Variants in NELL1 observed in about 807,000 individuals in gnomAD.
NELL1 encodes the protein protein kinase C-binding protein NELL1.
In NELL1, 76 loss-of-function variants were observed where a neutral mutation model predicts 107.4. The ratio of observed to expected loss-of-function variants is 0.71; its 90% confidence interval spans 0.59 to 0.86. The LOEUF is 0.86. Ranked by LOEUF, NELL1 falls within the 40% of genes least tolerant of loss-of-function variation. The probability of loss-of-function intolerance (pLI) is 0.00; values close to 1 mark genes in which losing one functional copy is unlikely to be tolerated. For missense variants in NELL1, 1,024 were observed against 1,005.5 expected, an observed-to-expected ratio of 1.02 and a Z score of -0.25; for synonymous variants, 353 against 341.2, an observed-to-expected ratio of 1.03 and a Z score of -0.38.
chr11:21,544,785 C>G (rs796562038), intron 16 of NELL1, among the ~76,000 whole-genome samples: 5 of 151,886 alleles, frequency 3.3e-5, no homozygotes, highest in African/African-American at 1.2e-4. Context: ...ATAAAACACA[C>G]TAATTGAAAA....
intron 15 of NELL1, among the ~76,000 whole-genome samples, chr11:21,397,167 C>G (rs559471447): frequency 6.6e-6 from 1 of 151,470 alleles, no homozygotes; most frequent in African/African-American, 2.4e-5. Context: ...ATAAGACACA[C>G]GAGGAATCAT....
At chr11:21,279,433 A>G (rs1848942876) in intron 14 of NELL1, among the ~76,000 whole-genome samples, 1 of 152,172 alleles carries the variant, frequency 6.6e-6, no homozygotes, top group Admixed American at 6.5e-5. Flanking sequence ...GCAAATGAAC[A>G]ACCTGATTAA....
chr11:21,012,164 G>A (rs755693340), intron 12 of NELL1, among the ~76,000 whole-genome samples: 30 of 152,112 alleles, frequency 2.0e-4, no homozygotes, highest in African/African-American at 6.8e-4. Context: ...AGTTGCTGCC[G>A]CACTACAGTA....
At chr11:21,244,391 G>A (rs1055118164) in intron 14 of NELL1, among the ~76,000 whole-genome samples, 4 of 152,044 alleles carry the variant, frequency 2.6e-5, no homozygotes, top group Non-Finnish European at 4.4e-5. Flanking sequence ...TTGAGGATAG[G>A]GAAACATGGC....
chr11:21,012,517 C>T (rs888480014), intron 12 of NELL1, among the ~76,000 whole-genome samples: 1 of 152,020 alleles, frequency 6.6e-6, no homozygotes, highest in African/African-American at 2.4e-5. Context: ...AACCTCTTGC[C>T]CACTGTCCAG....
At chr11:20,738,750 C>T (rs1855820535) in intron 2 of NELL1, among the ~76,000 whole-genome samples, 1 of 152,028 alleles carries the variant, frequency 6.6e-6, no homozygotes, top group African/African-American at 2.4e-5. Flanking sequence ...TGAGGTAATG[C>T]CTGGGGAAGA....
rs369515993 is a variant in NELL1, at chr11:21,105,268, A to G, written c.1301-8321A>G. 5.9e-5 allele frequency among the ~76,000 whole-genome samples: 9 copies of G among 151,758 alleles called. No homozygotes were observed. In the East Asian group the frequency reaches 1.7e-3, roughly 29 times the overall value. On this transcript the variant is annotated intron_variant, in intron 12 of 19. Coordinates refer to ENST00000357134, the MANE Select transcript of NELL1 (RefSeq NM_006157.5). ...AAAGAGAAATAGCTCTCTCTCCTGC[A>G]GAGAGAGAGAGGGCCACCAAAGTGG... is the stretch of plus-strand genomic sequence containing the variant.
chr11:21,212,870 G>C (rs576687383), intron 13 of NELL1, among the ~76,000 whole-genome samples: 1 of 152,138 alleles, frequency 6.6e-6, no homozygotes, highest in Admixed American at 6.5e-5. Flanking sequence ...AAAACAATAA[G>C]GCAGCAAAAA....
At chr11:20,738,042 G>A (rs1236179163) in intron 2 of NELL1, among the ~76,000 whole-genome samples, 1 of 102,426 alleles carries the variant, frequency 9.8e-6, no homozygotes, top group Non-Finnish European at 2.1e-5. Flanking sequence ...TTAAGTAAAC[G>A]AAGTAGTGAA....
At chr11:21,389,513 G>A (rs1016567852) in intron 15 of NELL1, among the ~76,000 whole-genome samples, 1 of 151,674 alleles carries the variant, frequency 6.6e-6, no homozygotes, top group African/African-American at 2.4e-5. Flanking sequence ...TAAGAGTACA[G>A]AAAGAGGGAA....
At chr11:21,165,907 A>G (rs1856470457) in intron 13 of NELL1, among the ~76,000 whole-genome samples, 1 of 151,092 alleles carries the variant, frequency 6.6e-6, no homozygotes, top group Admixed American at 6.6e-5. Context: ...GGTGCCCACT[A>G]CAACACCCGG....
chr11:21,431,140 C>T (rs1406294074), intron 15 of NELL1, among the ~76,000 whole-genome samples: 3 of 152,042 alleles, frequency 2.0e-5, no homozygotes, highest in Non-Finnish European at 4.4e-5. Flanking sequence ...TTTCTGCTGA[C>T]ATCTACTTGG....
intron 7 of NELL1, among the ~76,000 whole-genome samples, chr11:20,923,268 A>G (rs1830791858): frequency 6.6e-6 from 1 of 152,102 alleles, no homozygotes; most frequent in African/African-American, 2.4e-5. Context: ...GAGCTCATTG[A>G]TCCTTTTCTC....
At chr11:21,369,616 C>T (rs960950272) in intron 14 of NELL1, among the ~76,000 whole-genome samples, 3 of 152,028 alleles carry the variant, frequency 2.0e-5, no homozygotes, top group Admixed American at 1.3e-4. Flanking sequence ...TGAAGTTACA[C>T]TCATATTAAT....
At chr11:20,722,057 A>G (rs1192313313) in intron 2 of NELL1, among the ~76,000 whole-genome samples, 5 of 145,850 alleles carry the variant, frequency 3.4e-5, no homozygotes, top group Admixed American at 6.9e-5. Flanking sequence ...GTCTTGCTCC[A>G]TCACCCAGGC....
intron 13 of NELL1, among the ~76,000 whole-genome samples, chr11:21,119,648 G>T (rs2133739279): frequency 6.6e-6 from 1 of 152,166 alleles, no homozygotes; most frequent in South Asian, 2.1e-4. Context: ...GAATTTTCGT[G>T]TGGATTGAAA....
At chr11:21,500,107 A>C (rs1855097034) in intron 15 of NELL1, among the ~76,000 whole-genome samples, 7 of 152,102 alleles carry the variant, frequency 4.6e-5, no homozygotes, top group Admixed American at 3.3e-4. Flanking sequence ...TGATCATCTG[A>C]AAAATATTAA....
Position 21,051,349 on chromosome 11 carries a change from A to G in NELL1, c.1301-62240A>G, listed in dbSNP as rs116068122. Among the ~76,000 whole-genome samples the G allele has an allele frequency of 5.2e-3, 790 of 152,260 alleles. 5 individuals are homozygous for G. The highest frequency in any genetic ancestry group is 0.018 in the African/African-American group (748 of 41,566). ...AGCTAAGCTATGAGGACACAAAGGC[A>G]TAAGAAGTATACAATGGACTTTTGG... On this transcript the variant is annotated intron_variant, in intron 12 of 19. Coordinates refer to ENST00000357134, the MANE Select transcript of NELL1 (RefSeq NM_006157.5).
intron 14 of NELL1, among the ~76,000 whole-genome samples, chr11:21,334,582 C>A (rs1005983836): frequency 1.1e-4 from 17 of 151,870 alleles, no homozygotes; most frequent in Admixed American, 3.3e-4. Context: ...TTCTAAGTCC[C>A]TCTCTCTTTC....
Sources: gnomAD v4.1 joint callset for allele counts (sites outside exome capture counted in the v4.1 genomes callset) on GRCh38, gnomAD v4.1.1 for gene constraint, MANE v1.5 for transcripts, NCBI Gene and HGNC (gene_info 2026-07-23, HGNC 2026-07-21) for gene names.